ERAP1: variants seen among roughly 807,000 people sequenced by gnomAD.
The protein encoded by ERAP1 is adipocyte-derived leucine aminopeptidase.
ERAP1 carries 86 observed loss-of-function variants against 103.7 expected under a neutral mutation model. That is an observed-to-expected ratio of 0.83 (90% CI 0.70 to 0.99). The LOEUF (loss-of-function observed/expected upper bound fraction) is 0.99, where lower values mean the gene tolerates loss of function less well. Among genes scored for constraint, ERAP1 ranks in the 50% least tolerant of loss-of-function variants. The probability of loss-of-function intolerance (pLI) is 0.00; values close to 1 mark genes in which losing one functional copy is unlikely to be tolerated. For missense variants in ERAP1, 1,009 were observed against 1,128.4 expected, an observed-to-expected ratio of 0.89 and a Z score of 1.52; for synonymous variants, 398 against 402.4, an observed-to-expected ratio of 0.99 and a Z score of 0.13.
chr5:96,855,573 G>A, the ERAP1 span, among the ~76,000 whole-genome samples: 1 of 152,350 alleles, frequency 6.6e-6, no homozygotes, highest in African/African-American at 2.4e-5. Context: ...AGTGAAGACT[G>A]TCTGTTCCTT....
rs1289463158 is a variant in ERAP1, at chr5:96,793,792, T to C, written c.1074+11A>G. On this transcript the variant is annotated intron_variant, in intron 6 of 18. Coordinates refer to ENST00000443439, the MANE Select transcript of ERAP1 (RefSeq NM_001040458.3). ...GTTTATACTTTATTAAAAGTGTGAATGAGCTTATACCTGGTGAGCCAGTTC... is the reference window on the plus strand; with the variant it reads ...GTTTATACTTTATTAAAAGTGTGAACGAGCTTATACCTGGTGAGCCAGTTC... 1.2e-6 allele frequency: 2 copies of C among 1,607,446 alleles called. No individual in the cohort carries two copies. The highest frequency in any genetic ancestry group is 2.2e-5 in the South Asian group (2 of 90,744).
chr5:96,777,814 C>T (rs1774563973), intron 18 of ERAP1, among the ~76,000 whole-genome samples: 1 of 152,202 alleles, frequency 6.6e-6, no homozygotes, highest in African/African-American at 2.4e-5. Context: ...TTAACCATTA[C>T]TCTTACCCTT....
At chr5:96,814,101 A>C in the ERAP1 span, 1 of 342,694 alleles carries the variant, frequency 2.9e-6, no homozygotes, top group African/African-American at 2.1e-5. Context: ...AATCAAGATG[A>C]TGACTGGAGC....
chr5:96,933,487 T>C, the ERAP1 span, among the ~76,000 whole-genome samples: 606 of 152,208 alleles, frequency 4.0e-3, 4 homozygotes, highest in African/African-American at 0.014. Context: ...AGGCAAGAGG[T>C]TGGCAAAGAA....
At chr5:96,856,365 T>TATATATAGAGAGAGAG in the ERAP1 span, among the ~76,000 whole-genome samples, 39 of 20,370 alleles carry the variant, frequency 1.9e-3, no homozygotes, top group African/African-American at 3.2e-3. Flanking sequence ...TATATATATA[T>TATATATAGAGAGAGAG]AGAGAGAGAG....
At chr5:96,879,853 C>A in the ERAP1 span, 2 of 1,614,046 alleles carry the variant, frequency 1.2e-6, no homozygotes, top group East Asian at 4.5e-5. Context: ...TCCCAGTAGC[C>A]ACTAATGGGG....
chr5:96,829,882 TC>T, the ERAP1 span, among the ~76,000 whole-genome samples: 2 of 152,326 alleles, frequency 1.3e-5, no homozygotes, highest in East Asian at 3.9e-4. Context: ...AAATTAGTCT[TC>T]CTAGTAAGGT....
the ERAP1 span, among the ~76,000 whole-genome samples, chr5:96,843,159 T>C: frequency 5.3e-5 from 8 of 152,136 alleles, no homozygotes; most frequent in African/African-American, 1.9e-4. Flanking sequence ...GAAAGTACAC[T>C]CCACAGGGTA....
rs767353922 is a variant in ERAP1, at chr5:96,797,247, C to G, written c.726G>C (p.Met242Ile). 14 of 1,614,142 alleles carry G rather than the reference C, an allele frequency of 8.7e-6. No homozygotes were observed. Among genetic ancestry groups the G allele is most frequent in the Non-Finnish European group, 1.2e-5 (14 of 1,179,992 alleles). ...TGATGAAGGCCACCAGATAGGTGCT[C>G]ATCTTCACAGTGACATCAAAATGGT... is the stretch of plus-strand genomic sequence containing the variant. The part of the protein sequence containing the change: ...IEDHFDVTVK[M>I]STYLVAFIIS... The change falls in exon 4 of 19, where the codon ATG becomes ATC. Residue 242 changes from methionine to isoleucine, a missense_variant. Coordinates refer to ENST00000443439, the MANE Select transcript of ERAP1 (RefSeq NM_001040458.3).
chr5:96,887,956 C>G, the ERAP1 span, among the ~76,000 whole-genome samples: 1 of 151,966 alleles, frequency 6.6e-6, no homozygotes, highest in East Asian at 1.9e-4. Context: ...TGAAACCCCT[C>G]TCTACTAAAA....
chr5:96,917,301 G>A, the ERAP1 span, among the ~76,000 whole-genome samples: 1 of 151,960 alleles, frequency 6.6e-6, no homozygotes, highest in South Asian at 2.1e-4. Context: ...GTTATTTTTT[G>A]TAGAGTCAGG....
the ERAP1 span, among the ~76,000 whole-genome samples, chr5:96,923,052 T>A: frequency 6.6e-6 from 1 of 152,206 alleles, no homozygotes; most frequent in South Asian, 2.1e-4. Context: ...TAGCTCACTG[T>A]AACTTTCAGT....
At chr5:96,912,662 G>A in the ERAP1 span, 1 of 1,610,454 alleles carries the variant, frequency 6.2e-7, no homozygotes, top group Middle Eastern at 1.7e-4. Flanking sequence ...TTTAAAGATT[G>A]TGTATTCTGT....
the ERAP1 span, among the ~76,000 whole-genome samples, chr5:96,873,010 GA>G: frequency 6.6e-6 from 1 of 152,068 alleles, no homozygotes. Context: ...CCAACATGGT[GA>G]AACCCCGTCT....
chr5:96,902,374 A>G, the ERAP1 span: 2 of 1,484,068 alleles, frequency 1.3e-6, no homozygotes, highest in Non-Finnish European at 1.9e-6. Flanking sequence ...AATTAGCCAA[A>G]CAGGTATTTC....
intron 18 of ERAP1, among the ~76,000 whole-genome samples, chr5:96,778,158 C>T (rs1399634224): frequency 1.3e-5 from 2 of 152,144 alleles, no homozygotes; most frequent in Non-Finnish European, 2.9e-5. Context: ...TTTATTCATC[C>T]CTCTGCTGTA....
chr5:96,915,298 C>T, the ERAP1 span, among the ~76,000 whole-genome samples: 3,077 of 152,178 alleles, frequency 0.02, 69 homozygotes, highest in African/African-American at 0.055. Context: ...TGTGAGCCAC[C>T]GCGCCCAGCC....
At chr5:96,770,502 A>G (rs755417215), downstream of ERAP1, 31 of 1,507,164 alleles carry the variant, frequency 2.1e-5, no homozygotes, top group Admixed American at 4.7e-4. Context: ...GGTGATAGCC[A>G]TAGCCTCATT....
chr5:96,837,344 C>T, the ERAP1 span, among the ~76,000 whole-genome samples: 2 of 152,200 alleles, frequency 1.3e-5, no homozygotes, highest in Non-Finnish European at 2.9e-5. Flanking sequence ...GTACAGAACA[C>T]AACAGCAAAC....
Sources: gnomAD v4.1 joint callset for allele counts (sites outside exome capture counted in the v4.1 genomes callset) on GRCh38, gnomAD v4.1.1 for gene constraint, MANE v1.5 for transcripts, NCBI Gene and HGNC (gene_info 2026-07-23, HGNC 2026-07-21) for gene names.